EXOSC7: variants seen among roughly 807,000 people sequenced by gnomAD.
EXOSC7 encodes exosome complex component RRP42.
A neutral mutation model predicts 34.3 loss-of-function variants in EXOSC7; 25 were observed. That is an observed-to-expected ratio of 0.73 (90% CI 0.53 to 1.02). The LOEUF (loss-of-function observed/expected upper bound fraction) is 1.02, where lower values mean the gene tolerates loss of function less well. EXOSC7 is among the 50% of genes least tolerant of loss of function. The pLI is 0.00. For missense variants in EXOSC7, 370 were observed against 368.5 expected, an observed-to-expected ratio of 1.00 and a Z score of -0.03; for synonymous variants, 130 against 143.0, an observed-to-expected ratio of 0.91 and a Z score of 0.65.
chr3:45,012,600 A>C (rs1697315825), downstream of EXOSC7: 1 of 152,244 alleles, frequency 6.6e-6, no homozygotes, highest in Non-Finnish European at 1.5e-5. Context: ...TGACATGACA[A>C]AACATTGGCA....
chr3:45,004,290 CTG>C (rs1407886290), intron 5 of EXOSC7: 1 of 151,838 alleles, frequency 6.6e-6, no homozygotes, highest in African/African-American at 2.4e-5. Context: ...GAGTCTCACT[CTG>C]TCTCCCAGGC....
chr3:44,997,328 CT>C, intron 4 of EXOSC7, 76 bp downstream of exon 4: 3 of 1,373,030 alleles, frequency 2.2e-6, no homozygotes, highest in South Asian at 2.8e-5. Context: ...CCTTCCAGTG[CT>C]TTTTTCCTCT....
chr3:45,001,673 C>A, intron 5 of EXOSC7, 65 bp downstream of exon 5: 1 of 1,152,734 alleles, frequency 8.7e-7, no homozygotes, highest in Non-Finnish European at 1.3e-6. Flanking sequence ...TGTAATGGAA[C>A]ACTGAGGAAA....
rs891340708 is a variant in EXOSC7, at chr3:44,993,755, C to A, written c.255-3332C>A. On this transcript the variant is annotated intron_variant, in intron 3 of 7. Coordinates refer to ENST00000265564, the MANE Select transcript of EXOSC7 (RefSeq NM_015004.4). ...TGCCCAAAAGACCAAGTGTGTACAC[C>A]CCCCACTGAAGGAGTAGATTGTGAT... 3.3e-5 allele frequency among the ~76,000 whole-genome samples: 5 copies of A among 152,134 alleles called. No individual in the cohort carries two copies. In the East Asian group the frequency reaches 9.7e-4, roughly 29 times the overall value.
At chr3:44,987,154 G>A (rs544663706) in intron 1 of EXOSC7, among the ~76,000 whole-genome samples, 1 of 150,698 alleles carries the variant, frequency 6.6e-6, no homozygotes, top group Non-Finnish European at 1.5e-5. Context: ...GAAACAAGGA[G>A]ATATTAAAAA....
chr3:45,010,457 G>C (rs1237772933), intron 7 of EXOSC7, among the ~76,000 whole-genome samples: 2 of 152,162 alleles, frequency 1.3e-5, no homozygotes, highest in African/African-American at 2.4e-5. Context: ...CTGTTGCCCA[G>C]TCTGGTCTTG....
At chr3:44,982,366 G>A (rs1280907381) in intron 1 of EXOSC7, among the ~76,000 whole-genome samples, 1 of 152,178 alleles carries the variant, frequency 6.6e-6, no homozygotes, top group Non-Finnish European at 1.5e-5. Flanking sequence ...GCCTTTACAG[G>A]GCTTTAGGCA....
At chr3:45,010,101 T>A (rs1186451565) in intron 7 of EXOSC7, among the ~76,000 whole-genome samples, 1 of 152,204 alleles carries the variant, frequency 6.6e-6, no homozygotes, top group African/African-American at 2.4e-5. Context: ...ATGGAACCAG[T>A]GGCAGAGTTG....
chr3:44,984,867 G>A (rs1706365656), intron 1 of EXOSC7, among the ~76,000 whole-genome samples: 1 of 152,222 alleles, frequency 6.6e-6, no homozygotes, highest in Admixed American at 6.5e-5. Context: ...TTATAGATCT[G>A]TAGAATTAGA....
chr3:44,994,742 C>A (rs1334490749), intron 3 of EXOSC7, among the ~76,000 whole-genome samples: 1 of 152,058 alleles, frequency 6.6e-6, no homozygotes, highest in South Asian at 2.1e-4. Flanking sequence ...TTCCTAGCCT[C>A]CTCCCCAGAG....
At chr3:44,989,111 A>G in intron 1 of EXOSC7, 29 bp from the exon 2 acceptor site, 1 of 1,482,742 alleles carries the variant, frequency 6.7e-7, no homozygotes. Context: ...ATCTGGGGTG[A>G]CTATAGGACT....
intron 7 of EXOSC7, among the ~76,000 whole-genome samples, chr3:45,008,260 A>C (rs1707111942): frequency 6.6e-6 from 1 of 152,122 alleles, no homozygotes. Flanking sequence ...TGACTGATTG[A>C]CTGACTGAAC....
chr3:44,976,763 T>G (rs1465561912), intron 1 of EXOSC7, among the ~76,000 whole-genome samples: 1 of 152,174 alleles, frequency 6.6e-6, no homozygotes, highest in African/African-American at 2.4e-5. Context: ...GAACGCACTT[T>G]GAAAATACAA....
At chr3:44,991,782 C>A (rs918866866) in intron 3 of EXOSC7, among the ~76,000 whole-genome samples, 30 of 152,302 alleles carry the variant, frequency 2.0e-4, no homozygotes, top group Middle Eastern at 6.8e-3. Flanking sequence ...GCCTGCTGGT[C>A]TCTTTTCCTC....
intron 1 of EXOSC7, 60 bp downstream of exon 1, chr3:44,976,394 G>C: frequency 6.8e-7 from 1 of 1,466,730 alleles, no homozygotes; most frequent in Non-Finnish European, 9.1e-7. Context: ...GCGGGTCGCG[G>C]CCTGCCCTGG....
Position 45,011,285 on chromosome 3 carries a change from G to A in EXOSC7, c.822G>A (p.Val274=). The change falls in exon 8 of 8, where the codon GTG becomes GTA. Residue 274 remains valine, a synonymous_variant. Transcript: ENST00000265564. ...KVLHASLQSV[V]HKEESLGPKR... is the part of the protein sequence containing the mutation. ...TGCATGCCTCCTTGCAGAGTGTTGT[G>A]CACAAGGAAGAAAGCCTGGGGCCCA... The A allele has an allele frequency of 6.2e-7, 1 of 1,613,440 alleles. No homozygotes were observed. Among genetic ancestry groups the A allele is most frequent in the Non-Finnish European group, 8.5e-7 (1 of 1,179,742 alleles).
At position 44,989,375 on chromosome 3, in the gene EXOSC7, A is replaced by AGG. The variant is rs3830558; in HGVS notation, c.159+140_159+141dup. 7 of 825,556 alleles carry AGG rather than the reference A, an allele frequency of 8.5e-6. No individual in the cohort carries two copies. In the Admixed American group the frequency reaches 1.1e-4, roughly 13 times the overall value. 51.1% of individuals were successfully genotyped at this position (825,556 alleles called of 1,614,324 possible). ...TCGAAGATCCGAGCCAAACTCAGGG[A>AGG]GGGGGGGTCTATCCAGATCTGAAAA... On this transcript the variant is annotated intron_variant, in intron 2 of 7. Transcript: ENST00000265564.
At chr3:44,997,896 G>C (rs188303397) in intron 4 of EXOSC7, among the ~76,000 whole-genome samples, 78 of 152,308 alleles carry the variant, frequency 5.1e-4, no homozygotes, top group Non-Finnish European at 9.6e-4. Context: ...CTCCCACACA[G>C]AGTCTACTCC....
intron 5 of EXOSC7, chr3:45,002,252 A>C (rs990994386): frequency 2.6e-5 from 4 of 152,252 alleles, no homozygotes; most frequent in African/African-American, 9.7e-5. Flanking sequence ...TTTATGAGTA[A>C]ATACGTGGGA....
Sources: allele counts gnomAD v4.1 joint callset (sites outside exome capture counted in the v4.1 genomes callset), GRCh38; gene constraint gnomAD v4.1.1; transcripts MANE v1.5; gene names NCBI Gene and HGNC (gene_info 2026-07-23, HGNC 2026-07-21).